Variants in C16orf96 observed in about 807,000 individuals in gnomAD.
C16orf96 encodes uncharacterized protein C16orf96.
C16orf96 carries 108 observed loss-of-function variants against 103.6 expected under a neutral mutation model. The observed-to-expected ratio is 1.04, with a 90% confidence interval of 0.89 to 1.22. C16orf96 has a LOEUF of 1.22. Ranked by LOEUF, C16orf96 falls within the 50% of genes most tolerant of loss-of-function variation. C16orf96 has a pLI of 0.00. For synonymous variants in C16orf96, 566 were observed against 593.5 expected (o/e 0.95, Z 0.67); for missense variants, 1,586 against 1,464.2 (o/e 1.08, Z -1.36).
chr16:4,597,387 C>A (rs539432654), intron 14 of C16orf96, among the ~76,000 whole-genome samples: 54 of 152,292 alleles, frequency 3.5e-4, no homozygotes, highest in African/African-American at 1.3e-3. Context: ...GCTTGCCGGG[C>A]GGCCAGGGCA....
intron 1 of C16orf96, among the ~76,000 whole-genome samples, chr16:4,571,240 T>C (rs1036404730): frequency 2.6e-5 from 4 of 152,088 alleles, no homozygotes; most frequent in Non-Finnish European, 5.9e-5. Context: ...CTCCAGTGGC[T>C]CCTACCCAGG....
the C16orf96 span, among the ~76,000 whole-genome samples, chr16:4,549,833 G>C: frequency 6.6e-6 from 1 of 151,974 alleles, no homozygotes; most frequent in Non-Finnish European, 1.5e-5. Context: ...CCACTCTCTT[G>C]CTCTTCTCTC....
rs754760144 is a variant in C16orf96, at chr16:4,594,388, CA to C, written c.2906del (p.Gln969ArgfsTer26). ...GCTGCAGCTCCAGGACCTCGGTATC[CA>C]GGAGGATTGTCAGCAGGACTGGGGT... ...QWLQLQDLGI[Q>X]EDCQQDWGDG... On this transcript the variant is annotated frameshift_variant, in exon 13 of 16. Transcript: ENST00000444310. LOFTEE classifies it high-confidence loss of function. The C allele has an allele frequency of 9.9e-5, 154 of 1,551,076 alleles. No homozygotes were observed. Among genetic ancestry groups the C allele is most frequent in the Non-Finnish European group, 1.3e-4 (151 of 1,146,990 alleles).
At position 4,575,162 on chromosome 16, in the gene C16orf96, C is replaced by T. The variant is rs554799912; in HGVS notation, c.694-12C>T. On this transcript the variant is annotated splice_polypyrimidine_tract_variant and intron_variant, in intron 4 of 15. Transcript: ENST00000444310. ...GGAAGCCAGCAGAGCCCCTCTGCCC[C>T]CTCTTCTGCAGGAAATTGGTTCATC... The T allele has an allele frequency of 3.2e-6, 5 of 1,545,350 alleles. No homozygotes were observed. The highest frequency in any genetic ancestry group is 1.2e-5 in the South Asian group (1 of 83,998).
chr16:4,576,687 C>A, intron 5 of C16orf96, 52 bp downstream of exon 5: 1 of 1,464,072 alleles, frequency 6.8e-7, no homozygotes, highest in South Asian at 1.4e-5. Flanking sequence ...GCTCTCCCTG[C>A]AGCCTTTGAG....
At chr16:4,539,607 C>A in the C16orf96 span, among the ~76,000 whole-genome samples, 2 of 152,082 alleles carry the variant, frequency 1.3e-5, no homozygotes, top group Non-Finnish European at 2.9e-5. Flanking sequence ...ATTGCTTGAA[C>A]CCGAGAGATG....
At chr16:4,547,645 T>TTTCTTTCC in the C16orf96 span, among the ~76,000 whole-genome samples, 2 of 51,644 alleles carry the variant, frequency 3.9e-5, no homozygotes, top group Admixed American at 5.9e-4. Context: ...TCTGTCTTTC[T>TTTCTTTCC]TTCTTTCCTT....
chr16:4,588,786 A>G (rs556325135), intron 9 of C16orf96, among the ~76,000 whole-genome samples: 2 of 133,868 alleles, frequency 1.5e-5, no homozygotes, highest in East Asian at 2.3e-4. Context: ...ATTGATCCCC[A>G]TTTCACAGAG....
At chr16:4,591,920 T>G (rs1393938681) in intron 10 of C16orf96, 136 bp downstream of exon 10, 1 of 735,618 alleles carries the variant, frequency 1.4e-6, no homozygotes, top group African/African-American at 1.8e-5. Context: ...CTGAAAGCAC[T>G]GAGGAGGAGG....
rs144023335 is a variant in C16orf96 at position 4,576,702 on chromosome 16, G to C, written c.2155+67G>C. The C allele has an allele frequency of 1.0e-4, 144 of 1,426,698 alleles. No homozygotes were observed. The African/African-American group carries it at 1.9e-3, about 19-fold the overall frequency. The allele number at this position is 1,426,698 out of a possible 1,614,324, so 88.4% of individuals were successfully genotyped here. ...GCTCTCCCTGCAGCCTTTGAGAAGTGTGTCCTGTCCTTCACTGGGCTCCAC... is the reference window on the plus strand; with the variant it reads ...GCTCTCCCTGCAGCCTTTGAGAAGTCTGTCCTGTCCTTCACTGGGCTCCAC... On this transcript the variant is annotated intron_variant, in intron 5 of 15. Coordinates refer to ENST00000444310, the MANE Select transcript of C16orf96 (RefSeq NM_001145011.2).
Position 4,575,393 on chromosome 16 carries a change from G to A in C16orf96, c.913G>A (p.Glu305Lys). 6.4e-7 allele frequency: 1 copy of A among 1,550,726 alleles called. No homozygotes were observed. Among genetic ancestry groups the A allele is most frequent in the Non-Finnish European group, 8.7e-7 (1 of 1,146,926 alleles). Residue 305 changes from glutamate to lysine, a missense_variant, in exon 5 of 16, where the codon GAG (glutamate) becomes AAG (lysine). Glu to Lys is a moderately conservative substitution (Grantham distance 56). Coordinates refer to ENST00000444310, the MANE Select transcript of C16orf96 (RefSeq NM_001145011.2). ...AGCAGTTTCACTCAGCAGAGCCCAG[G>A]AGCCAGCGCAGCCTCCGGCCCTCAC... ...AQAVSLSRAQ[E>K]PAQPPALTPE...
At chr16:4,544,091 C>T in the C16orf96 span, among the ~76,000 whole-genome samples, 1 of 152,064 alleles carries the variant, frequency 6.6e-6, no homozygotes, top group Non-Finnish European at 1.5e-5. Context: ...GGGGTAGGGC[C>T]TAGGGTAGGC....
At chr16:4,581,461 A>G (rs2059588065) in intron 7 of C16orf96, among the ~76,000 whole-genome samples, 1 of 150,806 alleles carries the variant, frequency 6.6e-6, no homozygotes, top group East Asian at 2.0e-4. Context: ...GTGAAACCCC[A>G]TCTCTACTAA....
chr16:4,545,786 T>G, the C16orf96 span, among the ~76,000 whole-genome samples: 1 of 152,176 alleles, frequency 6.6e-6, no homozygotes, highest in African/African-American at 2.4e-5. Flanking sequence ...CCTATTGCAA[T>G]AGTCCTGAAT....
Position 4,576,575 on chromosome 16 carries a change from T to C in C16orf96, c.2095T>C (p.Ser699Pro), listed in dbSNP as rs373816170. ...HIAQIPVKHD[S>P]LKEEFAQLSC... is the part of the protein sequence containing the mutation. ...AGCCCAGATACCTGTCAAACACGAC[T>C]CTCTGAAGGAAGAATTTGCCCAGCT... is the stretch of plus-strand genomic sequence containing the variant. Residue 699 changes from serine (S) to proline (P), a missense_variant, in exon 5 of 16, where the codon TCT becomes CCT. By Grantham distance (74) the Ser-to-Pro change is moderately conservative (BLOSUM62 -1). Coordinates refer to ENST00000444310, the MANE Select transcript of C16orf96 (RefSeq NM_001145011.2). 163 of 1,551,372 alleles carry C rather than the reference T, an allele frequency of 1.1e-4. No individual in the cohort carries two copies. Among genetic ancestry groups the C allele is most frequent in the Non-Finnish European group, 1.3e-4 (148 of 1,146,968 alleles).
chr16:4,546,036 G>A, the C16orf96 span, among the ~76,000 whole-genome samples: 1 of 151,562 alleles, frequency 6.6e-6, no homozygotes, highest in African/African-American at 2.4e-5. Context: ...TTTCAGTAGA[G>A]ATGGGGTTTC....
the C16orf96 span, among the ~76,000 whole-genome samples, chr16:4,549,187 A>G: frequency 6.6e-6 from 1 of 151,964 alleles, no homozygotes; most frequent in Non-Finnish European, 1.5e-5. Flanking sequence ...TCAAAACAGA[A>G]CACCAGGCCG....
In C16orf96 at chr16:4,564,854, A is replaced by G. The variant is rs142522491; in HGVS notation, c.421-6707A>G. On this transcript the variant is annotated intron_variant, in intron 1 of 15. Transcript: ENST00000444310. ...ACAAATAAAAATTGGGTTTTTAACTATTTTGTAACATTGCTTAAAGGTGTG... is the reference window on the plus strand; with the variant it reads ...ACAAATAAAAATTGGGTTTTTAACTGTTTTGTAACATTGCTTAAAGGTGTG... Among the ~76,000 whole-genome samples, 407 of 152,276 alleles carry G rather than the reference A, an allele frequency of 2.7e-3. 7 individuals are homozygous for G. Among genetic ancestry groups the G allele is most frequent in the Admixed American group, 0.021 (326 of 15,282 alleles).
chr16:4,548,211 A>G, the C16orf96 span, among the ~76,000 whole-genome samples: 1 of 152,130 alleles, frequency 6.6e-6, no homozygotes, highest in Non-Finnish European at 1.5e-5. Flanking sequence ...TCGCTGTCAG[A>G]TCAGGAGCCC....
Sources: gnomAD v4.1 joint callset for allele counts (sites outside exome capture counted in the v4.1 genomes callset) on GRCh38, gnomAD v4.1.1 for gene constraint, MANE v1.5 for transcripts, NCBI Gene and HGNC (gene_info 2026-07-23, HGNC 2026-07-21) for gene names.